Variants in PRMT2 observed in about 807,000 individuals in gnomAD.
PRMT2 encodes protein arginine N-methyltransferase 2.
Under a neutral mutation model 57.6 loss-of-function variants are expected in PRMT2, and 26 were observed. The observed-to-expected ratio is 0.45, with a 90% CI of 0.33 to 0.63. The LOEUF is 0.63. PRMT2 is among the 20% of genes least tolerant of loss of function. The probability of loss-of-function intolerance (pLI) is 0.02; values close to 1 mark genes in which losing one functional copy is unlikely to be tolerated. For synonymous variants in PRMT2, 219 were observed against 220.0 expected, an observed-to-expected ratio of 1.00 and a Z score of 0.04; for missense variants, 472 against 564.4, an observed-to-expected ratio of 0.84 and a Z score of 1.66.
At chr21:46,652,106 T>G in intron 7 of PRMT2, 1 of 1,525,448 alleles carries the variant, frequency 6.6e-7, no homozygotes, top group Non-Finnish European at 8.8e-7. Context: ...ATGTAGTTGT[T>G]CAGAGATGGT....
chr21:46,651,119 G>A (rs974984103), intron 7 of PRMT2, among the ~76,000 whole-genome samples: 2 of 152,222 alleles, frequency 1.3e-5, no homozygotes, highest in African/African-American at 4.8e-5. Context: ...GACATTCTGT[G>A]TGAGGGGAGG....
rs2061420233 is a variant in PRMT2, at chr21:46,649,693, A to G, written c.608A>G (p.Glu203Gly). ...AAGGTGGAGGATGTGGTGCTGCCCG[A>G]GAAGGTGGACGTGCTGGTGTCTGAG... ...QQKVEDVVLP[E>G]KVDVLVSEWM... Residue 203 changes from glutamate (E) to glycine (G), a missense_variant, in exon 7 of 12, where the codon GAG becomes GGG. This residue lies in a region of PRMT2 where 243 missense variants were observed against 347.2 expected (regional missense o/e 0.70). Transcript: ENST00000355680. The surrounding 1 kb of genome is among the most constrained non-coding windows in gnomAD (Gnocchi z 4.8). The G allele has an allele frequency of 2.5e-6, 4 of 1,613,798 alleles. No individual in the cohort carries two copies. The highest frequency in any genetic ancestry group is 3.4e-6 in the Non-Finnish European group (4 of 1,179,980).
chr21:46,640,388 T>A (rs570037023), intron 3 of PRMT2, among the ~76,000 whole-genome samples: 2 of 152,262 alleles, frequency 1.3e-5, no homozygotes, highest in Admixed American at 1.3e-4. Flanking sequence ...TATGTTTATA[T>A]TTACTAGTGT....
chr21:46,659,754 C>T lies in PRMT2; in HGVS notation c.830+834C>T, dbSNP rs374219088. ...CAGAGCCTCCCACCTGAGTGTTCCT[C>T]CCGGCACTGGAAGCCAGTGGCCGTC... On this transcript the variant is annotated intron_variant, in intron 8 of 11. Transcript: ENST00000355680. 5.1e-6 allele frequency: 5 copies of T among 985,276 alleles called. No individual in the cohort carries two copies. In the South Asian group the frequency reaches 1.9e-4, roughly 37 times the overall value. The allele number at this position is 985,276 out of a possible 1,614,324, so 61.0% of individuals were successfully genotyped here. A position where few individuals can be genotyped will look rare whatever the true frequency, so the allele number is the denominator to read the frequency against.
intron 10 of PRMT2, 21 bp from the exon 11 acceptor site, chr21:46,663,362 A>T: frequency 6.3e-7 from 1 of 1,597,376 alleles, no homozygotes; most frequent in South Asian, 1.1e-5. Context: ...CCTCCAGGTC[A>T]CACGCACCCC....
At chr21:46,654,921 G>C (rs1046040418) in intron 7 of PRMT2, 2 of 983,554 alleles carry the variant, frequency 2.0e-6, no homozygotes, top group Non-Finnish European at 2.4e-6. Context: ...CTCTATGTAT[G>C]TACATAGAGT....
chr21:46,659,462 A>G (rs1158018691), intron 8 of PRMT2: 31 of 985,284 alleles, frequency 3.1e-5, no homozygotes, highest in Admixed American at 1.2e-4. Context: ...CTTGGAATCA[A>G]TTAGAAAGAG....
intron 3 of PRMT2, among the ~76,000 whole-genome samples, chr21:46,637,865 A>T (rs947791872): frequency 6.6e-6 from 1 of 152,216 alleles, no homozygotes; most frequent in South Asian, 2.1e-4. Context: ...GAAGCAGGAG[A>T]ATCACTTGGG....
chr21:46,636,097 G>C (rs1301798896), intron 1 of PRMT2: 1 of 152,788 alleles, frequency 6.5e-6, no homozygotes, highest in Admixed American at 6.5e-5. Context: ...AGCTCGCGGC[G>C]CTGTCCCAGC....
chr21:46,660,344 C>T (rs1006863118), intron 8 of PRMT2, among the ~76,000 whole-genome samples: 3 of 152,224 alleles, frequency 2.0e-5, no homozygotes, highest in Non-Finnish European at 4.4e-5. Context: ...CTCACTCAGG[C>T]CACCTCAGCC....
At chr21:46,645,258 G>A (rs1241120268) in intron 5 of PRMT2, among the ~76,000 whole-genome samples, 2 of 149,198 alleles carry the variant, frequency 1.3e-5, no homozygotes, top group Non-Finnish European at 3.0e-5. Flanking sequence ...CAGAGCGAGA[G>A]CCTGTCTCAA....
At chr21:46,645,516 C>T (rs1310207985) in intron 5 of PRMT2, among the ~76,000 whole-genome samples, 1 of 152,092 alleles carries the variant, frequency 6.6e-6, no homozygotes, top group Non-Finnish European at 1.5e-5. Context: ...AAATTTTTTC[C>T]CCACCATGGA....
intron 5 of PRMT2, among the ~76,000 whole-genome samples, chr21:46,647,976 T>A: frequency 6.6e-6 from 1 of 152,220 alleles, no homozygotes; most frequent in East Asian, 1.9e-4. Flanking sequence ...AGTTCTTTTT[T>A]TTTTAAAGCA....
intron 8 of PRMT2, chr21:46,660,119 AT>A (rs2061598596): frequency 4.1e-6 from 4 of 971,686 alleles, no homozygotes; most frequent in Middle Eastern, 5.3e-4. Flanking sequence ...TGGAATCTTT[AT>A]TAAAACATTC....
At chr21:46,638,593 A>G (rs2061216192) in intron 3 of PRMT2, among the ~76,000 whole-genome samples, 2 of 152,230 alleles carry the variant, frequency 1.3e-5, no homozygotes, top group South Asian at 4.1e-4. Flanking sequence ...TCAGTAGCCC[A>G]CAATAGTGCT....
Position 46,644,435 on chromosome 21 carries a change from G to A in PRMT2, c.274G>A (p.Asp92Asn), listed in dbSNP as rs368371949. The change falls in exon 5 of 12, where the codon GAC becomes AAC. Residue 92 changes from aspartate to asparagine, a missense_variant. By Grantham distance (23) the Asp-to-Asn change is conservative. Around this residue, in one of 2 missense-constraint regions of PRMT2, gnomAD observed 243 missense variants for 347.2 expected, o/e 0.70. Coordinates refer to ENST00000355680, the MANE Select transcript of PRMT2 (RefSeq NM_206962.4). ...NHVGKHVDEYDPEDTWQDEEY... is the reference protein window; with the variant it reads ...NHVGKHVDEYNPEDTWQDEEY... ...TGTGGGGAAGCACGTGGATGAGTAC[G>A]ACCCCGAGGACACGTGGCAGGATGA... The A allele has an allele frequency of 2.9e-4, 469 of 1,604,716 alleles. 1 individual carries two copies. The South Asian group carries it at 3.6e-3, about 12-fold the overall frequency.
At chr21:46,652,768 A>G (rs2061479841) in intron 7 of PRMT2, 1 of 1,179,902 alleles carries the variant, frequency 8.5e-7, no homozygotes, top group South Asian at 1.6e-5. Flanking sequence ...CAGGTGTCCT[A>G]GATTGTCAAC....
intron 7 of PRMT2, chr21:46,653,675 T>A: frequency 8.0e-7 from 1 of 1,256,940 alleles, no homozygotes; most frequent in South Asian, 1.4e-5. Context: ...CTCATGTAGA[T>A]CATTTTACTT....
intron 8 of PRMT2, 94 bp from the exon 9 acceptor site, chr21:46,660,739 G>A (rs1411445752): frequency 1.4e-6 from 2 of 1,465,186 alleles, no homozygotes; most frequent in Non-Finnish European, 1.9e-6. Flanking sequence ...TGGTGACACA[G>A]AAGGGAGAGC....
Sources: gnomAD v4.1 joint callset for allele counts (sites outside exome capture counted in the v4.1 genomes callset) on GRCh38, gnomAD v4.1.1 for gene constraint, gnomAD v4.1.1 regional missense constraint, Gnocchi (gnomAD v3.1) non-coding constraint, MANE v1.5 for transcripts, NCBI Gene and HGNC (gene_info 2026-07-23, HGNC 2026-07-21) for gene names.